SLC39A14: variants seen among roughly 807,000 people sequenced by gnomAD.
SLC39A14 encodes metal cation symporter ZIP14.
A neutral mutation model predicts 45.5 loss-of-function variants in SLC39A14; 19 were observed. The observed-to-expected ratio is 0.42, with a 90% CI of 0.29 to 0.61. The LOEUF is 0.61. Ranked by LOEUF, SLC39A14 falls within the 20% of genes least tolerant of loss-of-function variation. The pLI, the probability that SLC39A14 is intolerant of heterozygous loss-of-function variation, is 0.22. For missense variants in SLC39A14, 447 were observed against 616.5 expected, an observed-to-expected ratio of 0.73 and a Z score of 2.91; for synonymous variants, 264 against 251.3, an observed-to-expected ratio of 1.05 and a Z score of -0.48.
intron 2 of SLC39A14, among the ~76,000 whole-genome samples, chr8:22,408,017 CA>C (rs1835329569): frequency 6.6e-6 from 1 of 152,184 alleles, no homozygotes; most frequent in Non-Finnish European, 1.5e-5. Flanking sequence ...ACTTTGGTGA[CA>C]ATGATTGGAA....
intron 8 of SLC39A14, among the ~76,000 whole-genome samples, chr8:22,432,818 GTT>G (rs71206520): frequency 4.4e-4 from 33 of 74,956 alleles, no homozygotes; most frequent in African/African-American, 1.1e-3. Context: ...CGGCTATTTT[GTT>G]TTTTTTTTTT....
intron 8 of SLC39A14, 39 bp downstream of exon 8, chr8:22,417,874 A>G (rs1216052094): frequency 1.3e-6 from 2 of 1,561,634 alleles, no homozygotes; most frequent in African/African-American, 1.4e-5. Flanking sequence ...AGGGCGGCTA[A>G]GGGGATGGAT....
At chr8:22,408,257 G>T in intron 2 of SLC39A14, 53 bp from the exon 3 acceptor site, 2 of 1,545,666 alleles carry the variant, frequency 1.3e-6, no homozygotes, top group Admixed American at 3.4e-5. Flanking sequence ...GTTTAGCAGG[G>T]CAAGGCCTGA....
At chr8:22,388,558 G>T (rs932435806) in intron 1 of SLC39A14, among the ~76,000 whole-genome samples, 1 of 152,036 alleles carries the variant, frequency 6.6e-6, no homozygotes, top group African/African-American at 2.4e-5. Context: ...GGTGGGGAGG[G>T]GCGGTGATGA....
At chr8:22,399,843 C>G (rs1384389295) in intron 1 of SLC39A14, among the ~76,000 whole-genome samples, 1 of 152,234 alleles carries the variant, frequency 6.6e-6, no homozygotes, top group Admixed American at 6.5e-5. Flanking sequence ...CCTGAGTTTC[C>G]CACACCTGAA....
intron 8 of SLC39A14, among the ~76,000 whole-genome samples, chr8:22,433,079 C>G (rs1287901555): frequency 6.6e-6 from 1 of 152,072 alleles, no homozygotes; most frequent in Non-Finnish European, 1.5e-5. Context: ...GCTGGGATTA[C>G]AGTCATGAGC....
intron 1 of SLC39A14, among the ~76,000 whole-genome samples, chr8:22,379,795 G>A (rs1833403465): frequency 1.3e-5 from 2 of 151,882 alleles, no homozygotes; most frequent in South Asian, 2.1e-4. Flanking sequence ...TGGGGGTGGT[G>A]GGGTGTGCCT....
At chr8:22,387,258 C>A (rs761051705) in intron 1 of SLC39A14, among the ~76,000 whole-genome samples, 8 of 151,930 alleles carry the variant, frequency 5.3e-5, no homozygotes, top group Non-Finnish European at 8.8e-5. Context: ...CATCCACTCT[C>A]TTGCTGATGG....
At chr8:22,433,793 C>T (rs1836503264) in intron 8 of SLC39A14, 1 of 196,360 alleles carries the variant, frequency 5.1e-6, no homozygotes, top group Non-Finnish European at 1.1e-5. Flanking sequence ...ACCTCCTGAG[C>T]TCAAGTGATC....
chr8:22,387,474 T>TAGGC (rs1015443059), intron 1 of SLC39A14, among the ~76,000 whole-genome samples: 3 of 152,152 alleles, frequency 2.0e-5, no homozygotes, highest in African/African-American at 7.2e-5. Context: ...CCCTTGTTAA[T>TAGGC]AGGCAGGCAG....
chr8:22,405,056 C>T, intron 2 of SLC39A14, 76 bp downstream of exon 2: 1 of 1,438,578 alleles, frequency 7.0e-7, no homozygotes. Flanking sequence ...CTAGTTGGGC[C>T]CAGGGCAGCC....
At chr8:22,389,511 G>C (rs1833957382) in intron 1 of SLC39A14, among the ~76,000 whole-genome samples, 1 of 152,102 alleles carries the variant, frequency 6.6e-6, no homozygotes, top group Non-Finnish European at 1.5e-5. Context: ...GCCCAGCAGT[G>C]GGGTTGCCAC....
chr8:22,389,465 G>A (rs923905086), intron 1 of SLC39A14, among the ~76,000 whole-genome samples: 2 of 151,928 alleles, frequency 1.3e-5, no homozygotes, highest in African/African-American at 4.8e-5. Flanking sequence ...CCCGGGGGAG[G>A]TGGGGTAGGC....
At chr8:22,390,334 C>A (rs1421273549) in intron 1 of SLC39A14, 1 of 148,414 alleles carries the variant, frequency 6.7e-6, no homozygotes, top group Admixed American at 6.7e-5. Flanking sequence ...GAGACAGAGT[C>A]TTTCTCTGTC....
Position 22,415,547 on chromosome 8 carries a change from C to T in SLC39A14, c.751-222C>T, listed in dbSNP as rs1248142488. 9 of 476,312 alleles carry T rather than the reference C, an allele frequency of 1.9e-5. 1 individual carries two copies. In the South Asian group the frequency reaches 2.0e-4, roughly 11 times the overall value. The allele number at this position is 476,312 out of a possible 1,614,324, so 29.5% of individuals were successfully genotyped here. ...CTCAGCTCAAGCAGTCCTCCCACCT[C>T]GGCCTCCCACAGTGCTGGGATTACA... On this transcript the variant is annotated intron_variant, in intron 5 of 8. Transcript: ENST00000381237.
At chr8:22,424,677 G>C (rs12679702), downstream of SLC39A14, among the ~76,000 whole-genome samples, 78,421 of 151,820 alleles carry the variant, frequency 0.52, 22,846 homozygotes, top group African/African-American at 0.8. Context: ...TGGGTGGAGG[G>C]CGTATCTGGT....
chr8:22,422,586 G>T lies in SLC39A14; in HGVS notation c.*2888G>T. 57 of 984,266 alleles carry T rather than the reference G, an allele frequency of 5.8e-5. No individual in the cohort carries two copies. Among genetic ancestry groups the T allele is most frequent in the Non-Finnish European group, 6.9e-5 (57 of 828,570 alleles). The allele number at this position is 984,266 out of a possible 1,614,324, so 61.0% of individuals were successfully genotyped here. On this transcript the variant is annotated 3_prime_UTR_variant, in exon 9 of 9. Coordinates refer to ENST00000381237, the MANE Select transcript of SLC39A14 (RefSeq NM_001128431.4). ...CAGTATTTTTTTAAATAACTCAGGTGTATGAGAAGAAATTAGAAAAGAAAA... is the reference window on the plus strand; with the variant it reads ...CAGTATTTTTTTAAATAACTCAGGTTTATGAGAAGAAATTAGAAAAGAAAA...
At chr8:22,392,430 T>G (rs1568569) in intron 1 of SLC39A14, among the ~76,000 whole-genome samples, 88,580 of 151,918 alleles carry the variant, frequency 0.58, 27,151 homozygotes, top group African/African-American at 0.78. Flanking sequence ...ACTAGATCAT[T>G]CTTTCTATTT....
intron 1 of SLC39A14, among the ~76,000 whole-genome samples, chr8:22,369,578 A>G (rs573318968): frequency 1.3e-4 from 20 of 152,312 alleles, no homozygotes; most frequent in South Asian, 6.2e-4. Flanking sequence ...GAAGAACAAG[A>G]TAGCAACACA....
Sources: gnomAD v4.1 joint callset for allele counts (sites outside exome capture counted in the v4.1 genomes callset) on GRCh38, gnomAD v4.1.1 for gene constraint, MANE v1.5 for transcripts, NCBI Gene and HGNC (gene_info 2026-07-23, HGNC 2026-07-21) for gene names.